Variants in MDFIC observed in about 807,000 individuals in gnomAD.
The protein encoded by MDFIC is MyoD family inhibitor domain containing, also known as myoD family inhibitor domain-containing protein.
A neutral mutation model predicts 23.2 loss-of-function variants in MDFIC; 17 were observed. The ratio of observed to expected loss-of-function variants is 0.73; its 90% CI spans 0.50 to 1.10. MDFIC has a LOEUF of 1.10. Ranked by LOEUF, MDFIC falls within the 50% of genes least tolerant of loss-of-function variation. The probability of loss-of-function intolerance (pLI) is 0.00; values close to 1 mark genes in which losing one functional copy is unlikely to be tolerated. For missense variants in MDFIC, 356 were observed against 316.6 expected (o/e 1.12, Z -0.95); for synonymous variants, 120 against 115.2 (o/e 1.04, Z -0.27).
intron 3 of MDFIC, among the ~76,000 whole-genome samples, chr7:114,950,944 C>T (rs1459084940): frequency 6.6e-6 from 1 of 152,104 alleles, no homozygotes; most frequent in African/African-American, 2.4e-5. Flanking sequence ...GAAGCCAAGG[C>T]ATGAGGATTG....
chr7:114,939,013 A>G lies in MDFIC; in HGVS notation c.95-3262A>G, dbSNP rs190621567. Among the ~76,000 whole-genome samples, 102 of 152,292 alleles carry G rather than the reference A, an allele frequency of 6.7e-4. 1 individual carries two copies. Among genetic ancestry groups the G allele is most frequent in the Middle Eastern group, 3.4e-3 (1 of 294 alleles). On this transcript the variant is annotated intron_variant, in intron 2 of 4. Transcript: ENST00000393486. ...TTAGTAAGGTTGGTTTCATGTTTGG[A>G]TATCATGATCCCCATCTTACAATTA...
chr7:114,972,409 C>T (rs1793223116), intron 3 of MDFIC, among the ~76,000 whole-genome samples: 1 of 152,064 alleles, frequency 6.6e-6, no homozygotes, highest in Admixed American at 6.6e-5. Flanking sequence ...ACTCTACCAC[C>T]CCCTTAGACC....
intron 2 of MDFIC, among the ~76,000 whole-genome samples, chr7:114,939,634 C>A (rs1029135709): frequency 2.0e-5 from 3 of 152,070 alleles, no homozygotes; most frequent in Non-Finnish European, 2.9e-5. Context: ...ATATGGTCCA[C>A]ATGGCATTTT....
intron 4 of MDFIC, among the ~76,000 whole-genome samples, chr7:115,000,648 AATG>A (rs1791448711): frequency 6.6e-6 from 1 of 152,204 alleles, no homozygotes. Context: ...ATTAAATTGA[AATG>A]ATAAAAAAGG....
At chr7:114,930,219 CA>C (rs1444665642) in intron 2 of MDFIC, among the ~76,000 whole-genome samples, 1 of 152,128 alleles carries the variant, frequency 6.6e-6, no homozygotes. Flanking sequence ...TTGTCTTTCT[CA>C]GCCAGGGAGC....
chr7:114,923,944 T>A (rs920132635), intron 2 of MDFIC, among the ~76,000 whole-genome samples: 5 of 152,222 alleles, frequency 3.3e-5, no homozygotes, highest in Admixed American at 1.3e-4. Context: ...CATATACCCC[T>A]GATTTTAGGC....
chr7:114,995,457 TC>T (rs1405975051), intron 4 of MDFIC, among the ~76,000 whole-genome samples: 5 of 152,170 alleles, frequency 3.3e-5, no homozygotes, highest in Admixed American at 6.5e-5. Context: ...TGCTCTGTTT[TC>T]CCCCCATCTT....
At chr7:114,926,562 A>T (rs566849461) in intron 2 of MDFIC, among the ~76,000 whole-genome samples, 2 of 152,290 alleles carry the variant, frequency 1.3e-5, no homozygotes, top group South Asian at 4.1e-4. Flanking sequence ...TCTGAGTGCT[A>T]GAATATATTT....
chr7:114,939,031 T>C (rs1292978536), intron 2 of MDFIC, among the ~76,000 whole-genome samples: 1 of 152,238 alleles, frequency 6.6e-6, no homozygotes, highest in Non-Finnish European at 1.5e-5. Flanking sequence ...ATCCCCATCT[T>C]ACAATTATCT....
chr7:114,956,385 A>G (rs1161532557), intron 3 of MDFIC, among the ~76,000 whole-genome samples: 1 of 151,794 alleles, frequency 6.6e-6, no homozygotes, highest in African/African-American at 2.4e-5. Context: ...ACACACATAT[A>G]TATACACACA....
intron 2 of MDFIC, among the ~76,000 whole-genome samples, chr7:114,927,325 CTTT>C (rs10686214): frequency 2.1e-5 from 3 of 141,782 alleles, no homozygotes; most frequent in African/African-American, 2.6e-5. Flanking sequence ...AAAAACAGTC[CTTT>C]TTTTTTTTTT....
At chr7:114,982,050 A>T (rs1030811756) in intron 4 of MDFIC, among the ~76,000 whole-genome samples, 3 of 152,198 alleles carry the variant, frequency 2.0e-5, no homozygotes, top group African/African-American at 7.2e-5. Context: ...TTTGGATTAG[A>T]TAATTTTAAA....
intron 3 of MDFIC, among the ~76,000 whole-genome samples, chr7:114,955,778 C>T (rs1445821813): frequency 6.6e-6 from 1 of 152,144 alleles, no homozygotes; most frequent in Non-Finnish European, 1.5e-5. Context: ...TTTTCTCAGT[C>T]CGCAGTTCAT....
At chr7:114,939,610 G>A (rs748299015) in intron 2 of MDFIC, among the ~76,000 whole-genome samples, 1 of 152,130 alleles carries the variant, frequency 6.6e-6, no homozygotes, top group Admixed American at 6.5e-5. Flanking sequence ...TTATATAGTT[G>A]TGCATCTATG....
chr7:115,005,623 A>AT (rs1386687518), intron 4 of MDFIC, among the ~76,000 whole-genome samples: 7 of 152,192 alleles, frequency 4.6e-5, no homozygotes, highest in African/African-American at 1.7e-4. Flanking sequence ...AGGCTACAAA[A>AT]TTTTTATTGC....
rs116756938 is a variant in MDFIC at position 114,962,909 on chromosome 7, A to T, written c.218-16597A>T. Reference sequence around the variant, plus strand: ...TCTTTCTAGCCTAAGAACAATTTTCACTCAATTTCAATATAAATAAGTTTG... The same window carrying T: ...TCTTTCTAGCCTAAGAACAATTTTCTCTCAATTTCAATATAAATAAGTTTG... On this transcript the variant is annotated intron_variant, in intron 3 of 4. Transcript: ENST00000393486. Among the ~76,000 whole-genome samples the T allele has an allele frequency of 4.7e-3, 719 of 152,326 alleles. 5 individuals carry two copies. Among genetic ancestry groups the T allele is most frequent in the African/African-American group, 0.016 (650 of 41,570 alleles).
intron 4 of MDFIC, chr7:115,014,379 T>A (rs1371756082): frequency 9.3e-6 from 12 of 1,286,716 alleles, no homozygotes; most frequent in South Asian, 1.2e-5. Context: ...TATATGGCAT[T>A]CTATAGAGAA....
At chr7:114,958,706 G>A (rs1350874254) in intron 3 of MDFIC, among the ~76,000 whole-genome samples, 4 of 152,174 alleles carry the variant, frequency 2.6e-5, no homozygotes, top group Non-Finnish European at 5.9e-5. Flanking sequence ...AGCTGAGATT[G>A]CACCATTGCA....
chr7:114,981,251 T>C (rs1793412366), intron 4 of MDFIC, among the ~76,000 whole-genome samples: 1 of 152,244 alleles, frequency 6.6e-6, no homozygotes, highest in Admixed American at 6.5e-5. Flanking sequence ...TATTTACTTA[T>C]TTTTGTATTA....
Sources: allele counts gnomAD v4.1 joint callset (sites outside exome capture counted in the v4.1 genomes callset), GRCh38; gene constraint gnomAD v4.1.1; transcripts MANE v1.5; gene names NCBI Gene and HGNC (gene_info 2026-07-23, HGNC 2026-07-21).